VAV2: variants seen among roughly 807,000 people sequenced by gnomAD.
VAV2 encodes the protein guanine nucleotide exchange factor VAV2.
In VAV2, 67 loss-of-function variants were observed where a neutral mutation model predicts 132.5. That is an observed-to-expected ratio of 0.51 (90% CI 0.42 to 0.62). The LOEUF (loss-of-function observed/expected upper bound fraction) is 0.62. Ranked by LOEUF, VAV2 falls within the 20% of genes least tolerant of loss-of-function variation. VAV2 has a pLI of 0.00. For missense variants in VAV2, 938 were observed against 1,153.6 expected, an observed-to-expected ratio of 0.81 and a Z score of 2.71; for synonymous variants, 492 against 443.5, an observed-to-expected ratio of 1.11 and a Z score of -1.37.
intron 19 of VAV2, among the ~76,000 whole-genome samples, chr9:133,781,192 A>C (rs1047407619): frequency 3.3e-5 from 5 of 152,210 alleles, no homozygotes; most frequent in African/African-American, 1.2e-4. Flanking sequence ...ATTGGTACGC[A>C]TGCTACCTGC....
chr9:133,849,554 G>A (rs1837086239), intron 3 of VAV2, among the ~76,000 whole-genome samples: 2 of 152,208 alleles, frequency 1.3e-5, no homozygotes, highest in Admixed American at 1.3e-4. Context: ...GTGTCCTGGG[G>A]CTGCGTAACC....
intron 7 of VAV2, 38 bp from the exon 8 acceptor site, chr9:133,807,364 G>C (rs1320726779): frequency 6.4e-7 from 1 of 1,570,058 alleles, no homozygotes; most frequent in Non-Finnish European, 8.6e-7. Context: ...CCCTGCTGCT[G>C]TTGCCCACCC....
In VAV2 at chr9:133,804,022, C is replaced by T. The variant is rs1012413032; in HGVS notation, c.836+2059G>A. On this transcript the variant is annotated intron_variant, in intron 9 of 29. Transcript: ENST00000371850. This position sits in a 1 kb window ranked among gnomAD's most constrained non-coding sequence, Gnocchi z 4.5. ...TCTCCAGCAACGCCGCAGCTCCCCCCGGAGCTTCTCTATCTTGTCTTGGTT... is the reference window on the plus strand; with the variant it reads ...TCTCCAGCAACGCCGCAGCTCCCCCTGGAGCTTCTCTATCTTGTCTTGGTT... Among the ~76,000 whole-genome samples, 8 of 152,256 alleles carry T rather than the reference C, an allele frequency of 5.3e-5. No homozygotes were observed. The highest frequency in any genetic ancestry group is 2.0e-4 in the Admixed American group (3 of 15,290).
At chr9:133,874,337 C>A (rs766660830) in intron 2 of VAV2, among the ~76,000 whole-genome samples, 1 of 152,146 alleles carries the variant, frequency 6.6e-6, no homozygotes, top group Non-Finnish European at 1.5e-5. Flanking sequence ...CATCACTCAG[C>A]GCTGCTGTGG....
chr9:133,812,349 C>T, intron 4 of VAV2, 133 bp from the exon 5 acceptor site: 1 of 796,752 alleles, frequency 1.3e-6, no homozygotes, highest in Non-Finnish European at 2.1e-6. Context: ...GGGCCTCAGT[C>T]TACAAAGTGG....
At chr9:133,979,171 G>A (rs955660680) in intron 1 of VAV2, among the ~76,000 whole-genome samples, 5 of 152,212 alleles carry the variant, frequency 3.3e-5, no homozygotes, top group Non-Finnish European at 5.9e-5. Flanking sequence ...TGCAGGGGCT[G>A]GGAGACATGT....
intron 26 of VAV2, 107 bp from the exon 27 acceptor site, chr9:133,770,608 C>T: frequency 6.6e-7 from 1 of 1,507,450 alleles, no homozygotes; most frequent in Non-Finnish European, 8.9e-7. Context: ...GGGAGACTAG[C>T]TTCCTGGACT....
At position 133,935,860 on chromosome 9, in the gene VAV2, T is replaced by G. The variant is rs2810520; in HGVS notation, c.321+3243A>C. The stretch of plus-strand genomic sequence containing the variant: ...GGGTTCCGGCTCCATTGCTCCCAAG[T>G]GTGCCAGCACCCAGCACACGGTCCC... On this transcript the variant is annotated intron_variant, in intron 2 of 29. Transcript: ENST00000371850. This position sits in a 1 kb window ranked among gnomAD's most constrained non-coding sequence, Gnocchi z 5.2. Among the ~76,000 whole-genome samples, 131,019 of 152,218 alleles carry G rather than the reference T, an allele frequency of 0.86. 57,573 individuals carry two copies. The highest frequency in any genetic ancestry group is 0.97 in the East Asian group (4,998 of 5,164).
rs1014470312 is a variant in VAV2, at chr9:133,961,706, C to T, written c.205-22487G>A. 6.6e-6 allele frequency among the ~76,000 whole-genome samples: 1 copy of T among 152,190 alleles called. No homozygotes were observed. Among genetic ancestry groups the T allele is most frequent in the Non-Finnish European group, 1.5e-5 (1 of 68,030 alleles). On this transcript the variant is annotated intron_variant, in intron 1 of 29. Coordinates refer to ENST00000371850, the MANE Select transcript of VAV2 (RefSeq NM_001134398.2). This position sits in a 1 kb window ranked among gnomAD's most constrained non-coding sequence, Gnocchi z 4.1. ...TGCAAACCCCTAGCCGGTTTGCCTG[C>T]GAACTCCCAAGCCAGCTGCAGAAAA...
chr9:133,973,520 C>T (rs929765868), intron 1 of VAV2, among the ~76,000 whole-genome samples: 6 of 152,298 alleles, frequency 3.9e-5, no homozygotes, highest in African/African-American at 9.6e-5. Context: ...CAAAGGGCAG[C>T]GGTGCAGAAA....
Position 133,931,961 on chromosome 9 carries a change from G to A in VAV2, c.321+7142C>T, listed in dbSNP as rs570493303. ...ACGGCACATGGTAAACAGTCAGTGC[G>A]CTGCCGGGGTGCCTTCCTTCCCTCC... On this transcript the variant is annotated intron_variant, in intron 2 of 29. Transcript: ENST00000371850. Among the ~76,000 whole-genome samples, 6 of 152,270 alleles carry A rather than the reference G, an allele frequency of 3.9e-5. No homozygotes were observed. In the South Asian group the frequency reaches 8.3e-4, roughly 21 times the overall value.
chr9:133,819,109 T>C (rs28491392), intron 4 of VAV2, among the ~76,000 whole-genome samples: 28,742 of 151,834 alleles, frequency 0.19, 3,290 homozygotes, highest in African/African-American at 0.33. Flanking sequence ...CACGGGCTCA[T>C]TCTTCATGCA....
chr9:133,860,389 CG>C (rs1837549203), intron 3 of VAV2, among the ~76,000 whole-genome samples: 2 of 152,230 alleles, frequency 1.3e-5, no homozygotes, highest in South Asian at 4.1e-4. Flanking sequence ...AATCCAACAA[CG>C]GAAGTCCCCG....
intron 9 of VAV2, among the ~76,000 whole-genome samples, 190 bp from the exon 10 acceptor site, chr9:133,797,999 G>A (rs562015955): frequency 2.2e-4 from 34 of 152,308 alleles, no homozygotes; most frequent in East Asian, 9.7e-4. Context: ...CTACCGGGCC[G>A]CAGGAGGGCT....
At chr9:133,866,493 T>C (rs76568369) in intron 2 of VAV2, among the ~76,000 whole-genome samples, 8 of 152,058 alleles carry the variant, frequency 5.3e-5, no homozygotes, top group Non-Finnish European at 1.0e-4. Flanking sequence ...TGGGGGCAAC[T>C]GCGCTGCGAT....
chr9:133,813,877 T>C (rs1835453749), intron 4 of VAV2, among the ~76,000 whole-genome samples: 1 of 152,102 alleles, frequency 6.6e-6, no homozygotes, highest in Non-Finnish European at 1.5e-5. Flanking sequence ...AAACAGTTAT[T>C]CTCTTGGGCC....
chr9:133,848,538 G>A (rs1305463486), intron 3 of VAV2, among the ~76,000 whole-genome samples: 6 of 152,122 alleles, frequency 3.9e-5, no homozygotes, highest in Admixed American at 2.0e-4. Context: ...GGGAAAGAGC[G>A]GAACAAAAGG....
rs768845374 is a variant in VAV2, at chr9:133,812,123, C to T, written c.543G>A (p.Gln181=). The part of the protein sequence containing the change: ...IYEDIIKVEV[Q]QPMIRYMQKM... ...GCGGGGCAGGGCTCACCATGGGCTG[C>T]TGCACCTCCACCTTGATGATGTCCT... Residue 181 remains glutamine (Q), a synonymous_variant, in exon 5 of 30, where the codon CAG becomes CAA. Coordinates refer to ENST00000371850, the MANE Select transcript of VAV2 (RefSeq NM_001134398.2). The T allele has an allele frequency of 3.1e-6, 5 of 1,613,912 alleles. No homozygotes were observed. In the Admixed American group the frequency reaches 6.7e-5, roughly 22 times the overall value.
rs1833278798 is a variant in VAV2 at position 133,762,066 on chromosome 9, C to A, written c.*1996G>T. ...GTTCACAGCTAATCTCAGGCCCCTG[C>A]AGTTTAGCCCCCTGCAGGGGACACC... On this transcript the variant is annotated 3_prime_UTR_variant, in exon 30 of 30. Transcript: ENST00000371850. This position sits in a 1 kb window ranked among gnomAD's most constrained non-coding sequence, Gnocchi z 5.0. 6.6e-6 allele frequency: 1 copy of A among 152,650 alleles called. No homozygotes were observed. Among genetic ancestry groups the A allele is most frequent in the South Asian group, 2.1e-4 (1 of 4,830 alleles). The allele number at this position is 152,650 out of a possible 1,614,324, so 9.5% of individuals were successfully genotyped here.
Sources: allele counts gnomAD v4.1 joint callset (sites outside exome capture counted in the v4.1 genomes callset), GRCh38; gene constraint gnomAD v4.1.1; non-coding constraint Gnocchi (gnomAD v3.1); transcripts MANE v1.5; gene names NCBI Gene and HGNC (gene_info 2026-07-23, HGNC 2026-07-21).